NTRK3: variants seen among roughly 807,000 people sequenced by gnomAD.
NTRK3 encodes the protein neurotrophic receptor tyrosine kinase 3.
NTRK3 carries 24 observed loss-of-function variants against 91.7 expected under a neutral mutation model. The observed-to-expected ratio is 0.26, with a 90% confidence interval of 0.19 to 0.37. NTRK3 has a LOEUF of 0.37. NTRK3 is among the 10% of genes least tolerant of loss of function. The probability of loss-of-function intolerance (pLI) is 1.00; values close to 1 mark genes in which losing one functional copy is unlikely to be tolerated. For synonymous variants in NTRK3, 483 were observed against 404.0 expected (o/e 1.20, Z -2.34); for missense variants, 880 against 1,068.9 (o/e 0.82, Z 2.46).
At chr15:87,912,862 T>A (rs551257366) in intron 17 of NTRK3, among the ~76,000 whole-genome samples, 1 of 148,928 alleles carries the variant, frequency 6.7e-6, no homozygotes, top group Admixed American at 6.8e-5. Context: ...AATCAATGTC[T>A]GCTTGGGAGC....
At chr15:88,253,800 C>A (rs371388949) in intron 3 of NTRK3, among the ~76,000 whole-genome samples, 2 of 152,288 alleles carry the variant, frequency 1.3e-5, no homozygotes, top group East Asian at 3.9e-4. Context: ...GCTCACTATC[C>A]TCCCAGACGC....
intron 13 of NTRK3, among the ~76,000 whole-genome samples, chr15:88,101,445 G>A (rs370846604): frequency 1.3e-5 from 2 of 152,320 alleles, no homozygotes; most frequent in African/African-American, 4.8e-5. Context: ...CAACCATTGT[G>A]GAAGTCAGTG....
chr15:88,191,772 G>A (rs899661214), intron 3 of NTRK3, among the ~76,000 whole-genome samples: 7 of 152,244 alleles, frequency 4.6e-5, no homozygotes, highest in Non-Finnish European at 8.8e-5. Flanking sequence ...TAAACAAACC[G>A]TCTGGAGCAA....
At chr15:88,249,143 C>T (rs552637180) in intron 3 of NTRK3, among the ~76,000 whole-genome samples, 1 of 152,220 alleles carries the variant, frequency 6.6e-6, no homozygotes, top group Non-Finnish European at 1.5e-5. Context: ...CTCTGGGACA[C>T]TTATGATGGG....
intron 3 of NTRK3, among the ~76,000 whole-genome samples, chr15:88,246,296 C>A (rs1277443925): frequency 6.6e-6 from 1 of 152,250 alleles, no homozygotes; most frequent in African/African-American, 2.4e-5. Flanking sequence ...ACTTTCGTAG[C>A]CACCTCTGTG....
rs1458824905 is a variant in NTRK3, at chr15:88,241,826, T to A, written c.248+14080A>T. ...AATGGACGGAATCTGCCGTGCACTC[T>A]CAGCAAAGCTTGGCCCACCTCCCCT... On this transcript the variant is annotated intron_variant, in intron 3 of 18. Transcript: ENST00000394480. This position sits in a 1 kb window ranked among gnomAD's most constrained non-coding sequence, Gnocchi z 4.3. Among the ~76,000 whole-genome samples the A allele has an allele frequency of 6.6e-6, 1 of 152,172 alleles. No individual in the cohort carries two copies. Among genetic ancestry groups the A allele is most frequent in the Non-Finnish European group, 1.5e-5 (1 of 68,030 alleles).
intron 3 of NTRK3, among the ~76,000 whole-genome samples, chr15:88,213,279 C>G (rs971914464): frequency 1.3e-5 from 2 of 152,186 alleles, no homozygotes; most frequent in African/African-American, 4.8e-5. Flanking sequence ...TCAAAGCCCC[C>G]CAGCTGTTAG....
intron 14 of NTRK3, 81 bp from the exon 15 acceptor site, chr15:87,940,834 A>G (rs2142022159): frequency 1.9e-6 from 3 of 1,602,530 alleles, no homozygotes; most frequent in East Asian, 2.2e-5. Flanking sequence ...ACAGAGGTCT[A>G]GCGTGGAGAA....
intron 13 of NTRK3, among the ~76,000 whole-genome samples, chr15:88,090,273 C>T (rs2048897598): frequency 1.3e-5 from 2 of 152,122 alleles, no homozygotes; most frequent in African/African-American, 4.8e-5. Flanking sequence ...ACCTCGGTCC[C>T]CACCAGAATG....
rs190880030 is a variant in NTRK3, at chr15:87,994,616, G to C, written c.1585+38241C>G. On this transcript the variant is annotated intron_variant, in intron 14 of 18. Coordinates refer to ENST00000394480, the Ensembl canonical transcript of NTRK3. Reference sequence around the variant, plus strand: ...TCCAGAACCGAGAAAATAAATTTCTGTTGTTCTAGGCCATCCAGTTTGTGG... The same window carrying C: ...TCCAGAACCGAGAAAATAAATTTCTCTTGTTCTAGGCCATCCAGTTTGTGG... 2.6e-5 allele frequency among the ~76,000 whole-genome samples: 4 copies of C among 152,290 alleles called. No individual in the cohort carries two copies. The East Asian group carries it at 7.7e-4, about 29-fold the overall frequency.
At chr15:88,062,999 CCA>C (rs1356235267) in intron 13 of NTRK3, among the ~76,000 whole-genome samples, 4 of 152,282 alleles carry the variant, frequency 2.6e-5, no homozygotes, top group Admixed American at 2.6e-4. Flanking sequence ...TCCCCCTCAC[CCA>C]CACACACACT....
chr15:88,030,072 T>C (rs2078389042), intron 14 of NTRK3, among the ~76,000 whole-genome samples: 1 of 152,258 alleles, frequency 6.6e-6, no homozygotes, highest in African/African-American at 2.4e-5. Context: ...CCCACTTCTT[T>C]AAAAGGGCTA....
exon 19 of NTRK3, chr15:87,870,973 G>A (rs1022092285): frequency 8.6e-6 from 2 of 231,228 alleles, no homozygotes; most frequent in Admixed American, 5.6e-5. Context: ...GCCTCCCTAT[G>A]ATGAAAGAAA....
rs543824212 is a variant in NTRK3 at position 87,878,271 on chromosome 15, A to T, written c.2293-1151T>A. On this transcript the variant is annotated intron_variant, in intron 18 of 18. Coordinates refer to ENST00000394480, the Ensembl canonical transcript of NTRK3. ...CTCTGCCACCATTAGTCTGTATCTAATTAGGTAAAAGCACTGTCTTTTTTC... is the reference window on the plus strand; with the variant it reads ...CTCTGCCACCATTAGTCTGTATCTATTTAGGTAAAAGCACTGTCTTTTTTC... Among the ~76,000 whole-genome samples, 160 of 152,266 alleles carry T rather than the reference A, an allele frequency of 1.1e-3. 1 individual carries two copies. The highest frequency in any genetic ancestry group is 3.8e-3 in the African/African-American group (156 of 41,550).
intron 14 of NTRK3, chr15:87,979,532 A>T (rs1478304657): frequency 2.9e-6 from 3 of 1,030,420 alleles, no homozygotes; most frequent in Non-Finnish European, 4.5e-6. Flanking sequence ...CCCCCAAAGA[A>T]GATCAAAACT....
intron 14 of NTRK3, among the ~76,000 whole-genome samples, chr15:88,007,100 C>T (rs2076547400): frequency 6.6e-6 from 1 of 152,054 alleles, no homozygotes; most frequent in Non-Finnish European, 1.5e-5. Flanking sequence ...CCCCGGCCTC[C>T]AAAATGTGGA....
chr15:88,021,343 C>T (rs953146410), intron 14 of NTRK3, among the ~76,000 whole-genome samples: 2 of 152,184 alleles, frequency 1.3e-5, no homozygotes, highest in Non-Finnish European at 2.9e-5. Context: ...GCTGGGGAGG[C>T]AACAATGGAG....
chr15:88,005,718 C>T (rs1421388447), intron 14 of NTRK3, among the ~76,000 whole-genome samples: 2 of 152,172 alleles, frequency 1.3e-5, no homozygotes, highest in Non-Finnish European at 2.9e-5. Flanking sequence ...GTCTCCCTCT[C>T]TTACCAAAAT....
At chr15:88,049,572 T>C (rs762812599) in intron 13 of NTRK3, among the ~76,000 whole-genome samples, 1 of 152,152 alleles carries the variant, frequency 6.6e-6, no homozygotes, top group Non-Finnish European at 1.5e-5. Flanking sequence ...AAAAGGTCAG[T>C]ATGTAGCAAG....
Sources: allele counts gnomAD v4.1 joint callset (sites outside exome capture counted in the v4.1 genomes callset), GRCh38; gene constraint gnomAD v4.1.1; non-coding constraint Gnocchi (gnomAD v3.1); transcripts MANE v1.5; gene names NCBI Gene and HGNC (gene_info 2026-07-23, HGNC 2026-07-21).